Variants in PARD3B observed in about 807,000 individuals in gnomAD.
The protein encoded by PARD3B is partitioning defective 3 homolog B.
In PARD3B, 103 loss-of-function variants were observed where a neutral mutation model predicts 130.2. The ratio of observed to expected loss-of-function variants is 0.79; its 90% CI spans 0.67 to 0.93. PARD3B has a LOEUF of 0.93. Ranked by LOEUF, PARD3B falls within the 40% of genes least tolerant of loss-of-function variation. The probability of loss-of-function intolerance (pLI) is 0.00; values close to 1 mark genes in which losing one functional copy is unlikely to be tolerated. For synonymous variants in PARD3B, 583 were observed against 553.2 expected, an observed-to-expected ratio of 1.05 and a Z score of -0.76; for missense variants, 1,609 against 1,499.2, an observed-to-expected ratio of 1.07 and a Z score of -1.21.
chr2:204,883,429 TATAA>T (rs1442187595), intron 2 of PARD3B, among the ~76,000 whole-genome samples: 9 of 114,610 alleles, frequency 7.9e-5, no homozygotes, highest in South Asian at 2.3e-4. Flanking sequence ...TATATATATA[TATAA>T]AATATATATA....
chr2:205,323,212 C>T (rs1219931712), intron 18 of PARD3B, among the ~76,000 whole-genome samples: 2 of 151,922 alleles, frequency 1.3e-5, no homozygotes, highest in African/African-American at 4.8e-5. Context: ...CCTGGCCTAA[C>T]ACCCCCTTTT....
At chr2:204,607,372 C>A (rs1485860671) in intron 1 of PARD3B, among the ~76,000 whole-genome samples, 1 of 152,058 alleles carries the variant, frequency 6.6e-6, no homozygotes, top group Non-Finnish European at 1.5e-5. Context: ...TAGGAAAGTG[C>A]AGTAGACATG....
chr2:204,705,872 A>G (rs575247529), intron 2 of PARD3B, among the ~76,000 whole-genome samples: 2 of 152,262 alleles, frequency 1.3e-5, no homozygotes, highest in Admixed American at 1.3e-4. Context: ...ATTGTTCCTT[A>G]ATCTCCATCC....
In PARD3B at chr2:204,814,305, TG is replaced by T. The variant is rs563833749; in HGVS notation, c.222+128024del. 4.1e-4 allele frequency among the ~76,000 whole-genome samples: 62 copies of T among 151,890 alleles called. No homozygotes were observed. In the South Asian group the frequency reaches 0.012, roughly 30 times the overall value. On this transcript the variant is annotated intron_variant, in intron 2 of 22. Coordinates refer to ENST00000406610, the MANE Select transcript of PARD3B (RefSeq NM_001302769.2). ...CAATTGATTTTTTTCGTATTGACCTTGTATCCTGAAACTTTACTAAATCACT... is the reference window on the plus strand; with the variant it reads ...CAATTGATTTTTTTCGTATTGACCTTTATCCTGAAACTTTACTAAATCACT...
chr2:204,832,323 A>G (rs781525511), intron 2 of PARD3B, among the ~76,000 whole-genome samples: 4 of 152,122 alleles, frequency 2.6e-5, no homozygotes, highest in Admixed American at 1.3e-4. Context: ...TTTTGCGTTC[A>G]TGCTTGCTTT....
chr2:205,527,984 C>T (rs1283683367), intron 21 of PARD3B, among the ~76,000 whole-genome samples: 1 of 152,148 alleles, frequency 6.6e-6, no homozygotes, highest in Non-Finnish European at 1.5e-5. Flanking sequence ...AGAAGTTACT[C>T]ATGGTCCATC....
intron 2 of PARD3B, among the ~76,000 whole-genome samples, chr2:204,698,239 C>T (rs781162870): frequency 6.6e-6 from 1 of 152,040 alleles, no homozygotes; most frequent in Admixed American, 6.6e-5. Context: ...TTTTTGGGCT[C>T]CTCTTTATTT....
chr2:204,984,641 C>T lies in PARD3B; in HGVS notation c.394+19318C>T, dbSNP rs573169731. Among the ~76,000 whole-genome samples the T allele has an allele frequency of 6.7e-4, 102 of 152,068 alleles. 1 individual carries two copies. The South Asian group carries it at 0.018, about 27-fold the overall frequency. ...TTTAATTCAGTAGCAGGAAATGGAG[C>T]GGCCCTGGAATTTGTAGGAGGGGCT... On this transcript the variant is annotated intron_variant, in intron 3 of 22. Coordinates refer to ENST00000406610, the MANE Select transcript of PARD3B (RefSeq NM_001302769.2).
Position 204,547,741 on chromosome 2 carries a change from G to A in PARD3B, c.120+1622G>A, listed in dbSNP as rs191903847. On this transcript the variant is annotated intron_variant, in intron 1 of 22. Coordinates refer to ENST00000406610, the MANE Select transcript of PARD3B (RefSeq NM_001302769.2). ...TATGCCCTCAAATCTTGTATATTTAGAAGTTTAGTACAGGGGGCTATCCAA... is the reference window on the plus strand; with the variant it reads ...TATGCCCTCAAATCTTGTATATTTAAAAGTTTAGTACAGGGGGCTATCCAA... 1.6e-3 allele frequency among the ~76,000 whole-genome samples: 245 copies of A among 152,216 alleles called. 1 individual carries two copies. Among genetic ancestry groups the A allele is most frequent in the Non-Finnish European group, 3.1e-3 (211 of 67,994 alleles).
At chr2:205,377,017 T>G (rs2045083991) in intron 18 of PARD3B, among the ~76,000 whole-genome samples, 1 of 152,186 alleles carries the variant, frequency 6.6e-6, no homozygotes, top group African/African-American at 2.4e-5. Flanking sequence ...ATAGCTAATG[T>G]TAACTGAGCA....
chr2:204,585,579 A>C (rs1213326672), intron 1 of PARD3B, among the ~76,000 whole-genome samples: 1 of 151,326 alleles, frequency 6.6e-6, no homozygotes, highest in Non-Finnish European at 1.5e-5. Flanking sequence ...CCTGGCCTCA[A>C]GTGATTTTCC....
Position 205,078,945 on chromosome 2 carries a change from A to G in PARD3B, c.505-25481A>G, listed in dbSNP as rs529742820. Among the ~76,000 whole-genome samples, 14 of 152,330 alleles carry G rather than the reference A, an allele frequency of 9.2e-5. No homozygotes were observed. The highest frequency in any genetic ancestry group is 6.5e-4 in the Admixed American group (10 of 15,298). On this transcript the variant is annotated intron_variant, in intron 4 of 22. Transcript: ENST00000406610. The surrounding 1 kb of genome is among the most constrained non-coding windows in gnomAD (Gnocchi z 4.0). ...TGGCCAGCCACGTAAGTGAGCCGTCATGGATGCCCAGACCTGTGGAGCCTT... is the reference window on the plus strand; with the variant it reads ...TGGCCAGCCACGTAAGTGAGCCGTCGTGGATGCCCAGACCTGTGGAGCCTT...
chr2:205,519,439 C>CT (rs1468262849), intron 21 of PARD3B, among the ~76,000 whole-genome samples: 3 of 152,162 alleles, frequency 2.0e-5, no homozygotes, highest in African/African-American at 7.2e-5. Context: ...CCATTATGTT[C>CT]TTTTTTTGGA....
chr2:205,049,635 A>T (rs767896372), intron 4 of PARD3B, among the ~76,000 whole-genome samples: 1 of 152,212 alleles, frequency 6.6e-6, no homozygotes, highest in Non-Finnish European at 1.5e-5. Context: ...AGAGGAAATG[A>T]TGGCTACTGT....
At chr2:205,502,947 C>A (rs1169723034) in intron 21 of PARD3B, among the ~76,000 whole-genome samples, 2 of 151,844 alleles carry the variant, frequency 1.3e-5, no homozygotes, top group Non-Finnish European at 2.9e-5. Flanking sequence ...CTTACTCCTC[C>A]CTAGGGTTCT....
At chr2:205,401,218 A>G in intron 19 of PARD3B, 95 bp downstream of exon 19, 2 of 1,043,826 alleles carry the variant, frequency 1.9e-6, no homozygotes, top group East Asian at 5.2e-5. Flanking sequence ...TTTCATTTTA[A>G]GAAGTATAGG....
intron 18 of PARD3B, among the ~76,000 whole-genome samples, chr2:205,388,150 G>A (rs761197591): frequency 1.3e-5 from 2 of 152,162 alleles, no homozygotes; most frequent in Non-Finnish European, 2.9e-5. Flanking sequence ...ACCTCTGGTT[G>A]ATTTAATTAT....
chr2:205,552,935 G>T lies in PARD3B; in HGVS notation c.3181-389G>T, dbSNP rs111662772. 5.0e-4 allele frequency among the ~76,000 whole-genome samples: 76 copies of T among 152,184 alleles called. 1 individual carries two copies. The highest frequency in any genetic ancestry group is 1.8e-3 in the African/African-American group (73 of 41,522). ...TAGCTAGCGATAAGAGGGAAACTGG[G>T]TACAGGATGTATGGGAAGTCTCTAT... On this transcript the variant is annotated intron_variant, in intron 21 of 22. Transcript: ENST00000406610.
intron 18 of PARD3B, among the ~76,000 whole-genome samples, chr2:205,362,801 T>G (rs970627240): frequency 2.8e-4 from 42 of 152,302 alleles, no homozygotes; most frequent in African/African-American, 8.2e-4. Context: ...TGCCTAAAGT[T>G]ACAGGGTGCT....
Sources: allele counts gnomAD v4.1 joint callset (sites outside exome capture counted in the v4.1 genomes callset), GRCh38; gene constraint gnomAD v4.1.1; non-coding constraint Gnocchi (gnomAD v3.1); transcripts MANE v1.5; gene names NCBI Gene and HGNC (gene_info 2026-07-23, HGNC 2026-07-21).